CMIP: variants seen among roughly 807,000 people sequenced by gnomAD.
CMIP encodes c-Maf inducing protein.
CMIP carries 13 observed loss-of-function variants against 97.3 expected under a neutral mutation model. The ratio of observed to expected loss-of-function variants is 0.13; its 90% confidence interval spans 0.09 to 0.21. The LOEUF is 0.21. Ranked by LOEUF, CMIP falls within the 10% of genes least tolerant of loss-of-function variation. The pLI, the probability that CMIP is intolerant of heterozygous loss-of-function variation, is 1.00. For synonymous variants in CMIP, 538 were observed against 436.3 expected, an observed-to-expected ratio of 1.23 and a Z score of -2.91; for missense variants, 847 against 1,024.9, an observed-to-expected ratio of 0.83 and a Z score of 2.37.
chr16:81,552,278 G>C (rs934223548), intron 1 of CMIP, among the ~76,000 whole-genome samples: 1 of 152,168 alleles, frequency 6.6e-6, no homozygotes, highest in African/African-American at 2.4e-5. Flanking sequence ...GCTGGCTGGT[G>C]GTTCCCGAGG....
chr16:81,502,392 G>C (rs2089629364), intron 1 of CMIP, among the ~76,000 whole-genome samples: 1 of 152,218 alleles, frequency 6.6e-6, no homozygotes, highest in Admixed American at 6.5e-5. Flanking sequence ...CAATCCTGGG[G>C]ACATGGTGGC....
intron 10 of CMIP, among the ~76,000 whole-genome samples, chr16:81,678,991 T>C (rs1260532788): frequency 6.6e-6 from 1 of 152,240 alleles, no homozygotes; most frequent in Non-Finnish European, 1.5e-5. Context: ...TGTGTACATA[T>C]GTCTACATGA....
chr16:81,526,801 C>T (rs572510751), intron 1 of CMIP, among the ~76,000 whole-genome samples: 32 of 152,330 alleles, frequency 2.1e-4, no homozygotes, highest in African/African-American at 7.2e-4. Context: ...AGCAGGTTTG[C>T]GTTTGGTTTC....
chr16:81,548,251 A>G (rs540719569), intron 1 of CMIP, among the ~76,000 whole-genome samples: 259 of 150,058 alleles, frequency 1.7e-3, no homozygotes, highest in Non-Finnish European at 3.0e-3. Context: ...CTCCTCCCTC[A>G]GCCTCCTAAG....
chr16:81,472,897 C>T (rs1597457982), intron 1 of CMIP, among the ~76,000 whole-genome samples: 2 of 152,136 alleles, frequency 1.3e-5, no homozygotes, highest in Admixed American at 1.3e-4. Context: ...CTGTTCCTTT[C>T]GGGGCTTGGC....
intron 1 of CMIP, among the ~76,000 whole-genome samples, chr16:81,521,158 C>G (rs1287692169): frequency 6.6e-6 from 1 of 152,224 alleles, no homozygotes; most frequent in Non-Finnish European, 1.5e-5. Flanking sequence ...GAAGGCTTTT[C>G]TTTGTCACTG....
intron 1 of CMIP, among the ~76,000 whole-genome samples, chr16:81,588,432 G>T (rs1240812504): frequency 1.3e-5 from 2 of 152,186 alleles, no homozygotes; most frequent in African/African-American, 4.8e-5. Flanking sequence ...ACGCTTGTCA[G>T]GTGTGGTCCC....
chr16:81,565,255 C>T (rs1302840336), intron 1 of CMIP, among the ~76,000 whole-genome samples: 1 of 152,190 alleles, frequency 6.6e-6, no homozygotes, highest in Non-Finnish European at 1.5e-5. Flanking sequence ...CCATGGCCCA[C>T]CTTCCAAAGG....
At chr16:81,502,959 T>A (rs781201053) in intron 1 of CMIP, among the ~76,000 whole-genome samples, 3 of 152,178 alleles carry the variant, frequency 2.0e-5, no homozygotes, top group Non-Finnish European at 2.9e-5. Context: ...GCCCTGTCTC[T>A]CTGTCCTTAG....
At chr16:81,585,503 C>A (rs934986804) in intron 1 of CMIP, among the ~76,000 whole-genome samples, 10 of 152,154 alleles carry the variant, frequency 6.6e-5, no homozygotes, top group African/African-American at 2.4e-4. Flanking sequence ...GCCATGACAG[C>A]CGTCTGATTT....
rs117421069 is a variant in CMIP, at chr16:81,694,227, T to C, written c.1530+740T>C. Among the ~76,000 whole-genome samples the C allele has an allele frequency of 9.4e-3, 1,437 of 152,356 alleles. 11 individuals are homozygous for C. The highest frequency in any genetic ancestry group is 0.02 in the Middle Eastern group (6 of 294). ...CTGATAACCATCTCACTGCACTGTG[T>C]GCTGTGCTCTGAGATGCTCACAGCC... On this transcript the variant is annotated intron_variant, in intron 13 of 20. Coordinates refer to ENST00000537098, the MANE Select transcript of CMIP (RefSeq NM_198390.3).
chr16:81,558,292 CT>C (rs1254560155), intron 1 of CMIP, among the ~76,000 whole-genome samples: 1 of 151,966 alleles, frequency 6.6e-6, no homozygotes, highest in Non-Finnish European at 1.5e-5. Context: ...AGACACGAGG[CT>C]GCTTCCGCCT....
chr16:81,476,849 C>G (rs1258711961), intron 1 of CMIP, among the ~76,000 whole-genome samples: 1 of 152,136 alleles, frequency 6.6e-6, no homozygotes, highest in Non-Finnish European at 1.5e-5. Flanking sequence ...CCCCTTCTTT[C>G]CTTTTGTCCT....
intron 1 of CMIP, among the ~76,000 whole-genome samples, chr16:81,547,632 GAGGA>G (rs918572064): frequency 1.3e-5 from 2 of 151,490 alleles, no homozygotes; most frequent in African/African-American, 4.9e-5. Flanking sequence ...GGAGGAGGAG[GAGGA>G]AGGAAGGGAT....
intron 3 of CMIP, among the ~76,000 whole-genome samples, chr16:81,628,313 A>T (rs140526304): frequency 5.5e-4 from 83 of 152,122 alleles, no homozygotes; most frequent in African/African-American, 1.9e-3. Flanking sequence ...ATCCCTTCCC[A>T]AGCTCACATC....
Position 81,685,173 on chromosome 16 carries a change from G to C in CMIP, c.1388+6545G>C, listed in dbSNP as rs145969887. Among the ~76,000 whole-genome samples, 1,369 of 152,316 alleles carry C rather than the reference G, an allele frequency of 9.0e-3. 9 individuals carry two copies. The highest frequency in any genetic ancestry group is 0.015 in the Non-Finnish European group (1,015 of 68,022). On this transcript the variant is annotated intron_variant, in intron 10 of 20. Coordinates refer to ENST00000537098, the MANE Select transcript of CMIP (RefSeq NM_198390.3). Reference sequence around the variant, plus strand: ...GACTGGGGTCACAGACTTCCAAGCTGGTCTGGGCCGAGGCAAGGAAGTCCA... The same window carrying C: ...GACTGGGGTCACAGACTTCCAAGCTCGTCTGGGCCGAGGCAAGGAAGTCCA...
chr16:81,502,204 C>G (rs970997138), intron 1 of CMIP, among the ~76,000 whole-genome samples: 19 of 152,318 alleles, frequency 1.2e-4, no homozygotes, highest in Admixed American at 1.2e-3. Context: ...GACCCGGGAC[C>G]TGGGCTGACA....
chr16:81,496,988 A>G (rs1249081797), intron 1 of CMIP, among the ~76,000 whole-genome samples: 3 of 152,250 alleles, frequency 2.0e-5, no homozygotes, highest in Admixed American at 6.5e-5. Flanking sequence ...AGGCCATAAA[A>G]GTGGATTGCA....
intron 1 of CMIP, among the ~76,000 whole-genome samples, chr16:81,449,677 C>A (rs574734197): frequency 7.9e-5 from 12 of 151,948 alleles, no homozygotes; most frequent in South Asian, 2.1e-4. Flanking sequence ...TTTCCCCCCC[C>A]CCCTTTCCAT....
Sources: gnomAD v4.1 joint callset for allele counts (sites outside exome capture counted in the v4.1 genomes callset) on GRCh38, gnomAD v4.1.1 for gene constraint, MANE v1.5 for transcripts, NCBI Gene and HGNC (gene_info 2026-07-23, HGNC 2026-07-21) for gene names.